Variants in ADGRB1 observed in about 807,000 individuals in gnomAD.
The protein encoded by ADGRB1 is adhesion G protein-coupled receptor B1.
ADGRB1 carries 36 observed loss-of-function variants against 175.7 expected under a neutral mutation model. That is an observed-to-expected ratio of 0.20 (90% CI 0.16 to 0.27). The LOEUF is 0.27. Ranked by LOEUF, ADGRB1 falls within the 10% of genes least tolerant of loss-of-function variation. The pLI is 1.00. For missense variants in ADGRB1, 1,731 were observed against 2,255.3 expected (o/e 0.77, Z 4.71); for synonymous variants, 1,054 against 979.4 (o/e 1.08, Z -1.42).
Position 142,543,479 on chromosome 8 carries a change from G to T in ADGRB1, c.4449+41G>T. On this transcript the variant is annotated intron_variant, in intron 29 of 30. Transcript: ENST00000517894. This position sits in a 1 kb window ranked among gnomAD's most constrained non-coding sequence, Gnocchi z 4.4. ...CCCCCCCACCAGACACTTAGGGCCA[G>T]ATGTGCTCTGGGCTCCCACACGGCC... 6.2e-7 allele frequency: 1 copy of T among 1,612,734 alleles called. No individual in the cohort carries two copies. The highest frequency in any genetic ancestry group is 2.2e-5 in the East Asian group (1 of 44,856).
intron 17 of ADGRB1, among the ~76,000 whole-genome samples, chr8:142,501,195 G>T (rs993836740): frequency 6.6e-6 from 1 of 152,188 alleles, no homozygotes; most frequent in Non-Finnish European, 1.5e-5. Flanking sequence ...TGTGATGACT[G>T]TGAAGGGACA....
intron 22 of ADGRB1, among the ~76,000 whole-genome samples, chr8:142,523,739 G>A (rs1160105244): frequency 6.8e-6 from 1 of 147,142 alleles, no homozygotes; most frequent in African/African-American, 2.5e-5. Context: ...ACCACAGGTG[G>A]TGTCCAGAGA....
chr8:142,490,847 G>A (rs1033013132), intron 17 of ADGRB1, 32 bp downstream of exon 17: 3 of 1,562,546 alleles, frequency 1.9e-6, no homozygotes, highest in South Asian at 1.2e-5. Flanking sequence ...GGCCGTGGGG[G>A]TCTGGGGTGG....
rs915254928 is a variant in ADGRB1 at position 142,474,717 on chromosome 8, C to T, written c.785-757C>T. ...TAGGGGAACACAGGTCCATGAAGGC[C>T]GCGGGGACTGTCGGGGCAGGGATGG... On this transcript the variant is annotated intron_variant, in intron 2 of 30. Coordinates refer to ENST00000517894, the MANE Select transcript of ADGRB1 (RefSeq NM_001702.3). The surrounding 1 kb of genome is among the most constrained non-coding windows in gnomAD (Gnocchi z 5.8). Among the ~76,000 whole-genome samples the T allele has an allele frequency of 1.3e-5, 2 of 152,098 alleles. No homozygotes were observed. The highest frequency in any genetic ancestry group is 1.9e-4 in the East Asian group (1 of 5,172).
intron 24 of ADGRB1, among the ~76,000 whole-genome samples, chr8:142,529,502 G>C (rs565352704): frequency 2.6e-5 from 4 of 152,314 alleles, no homozygotes; most frequent in African/African-American, 9.6e-5. Flanking sequence ...AAGTGTGCAA[G>C]TGTATGTGTA....
At chr8:142,465,625 G>C (rs143665043) in intron 2 of ADGRB1, among the ~76,000 whole-genome samples, 5 of 152,200 alleles carry the variant, frequency 3.3e-5, no homozygotes, top group African/African-American at 1.2e-4. Context: ...AGGCAGCTGC[G>C]TAAGGGAGAG....
At position 142,475,500 on chromosome 8, in the gene ADGRB1, G is replaced by A. The variant is rs1840910962; in HGVS notation, c.811G>A (p.Gly271Ser). The A allele has an allele frequency of 7.7e-7, 1 of 1,295,642 alleles. No individual in the cohort carries two copies. The highest frequency in any genetic ancestry group is 1.5e-5 in the African/African-American group (1 of 66,442). 80.3% of individuals were successfully genotyped at this position (1,295,642 alleles called of 1,614,324 possible). ...TGGWKLWSLWGECTRDCGGGL... is the reference protein window; with the variant it reads ...TGGWKLWSLWSECTRDCGGGL... Reference sequence around the variant, plus strand: ...CGGCTGGAAGCTGTGGTCCCTGTGGGGCGAATGCACGCGGGACTGCGGGGG... The same window carrying A: ...CGGCTGGAAGCTGTGGTCCCTGTGGAGCGAATGCACGCGGGACTGCGGGGG... The change falls in exon 3 of 31, where the codon GGC becomes AGC. Residue 271 changes from glycine (G) to serine (S), a missense_variant. Gly to Ser is a moderately conservative substitution (Grantham distance 56). Transcript: ENST00000517894.
At chr8:142,495,970 C>T (rs189609944) in intron 17 of ADGRB1, among the ~76,000 whole-genome samples, 150 of 139,970 alleles carry the variant, frequency 1.1e-3, no homozygotes, top group African/African-American at 3.8e-3. Context: ...TGGATGGATA[C>T]GTGGGTGGCT....
At chr8:142,526,478 A>T in intron 23 of ADGRB1, 64 bp from the exon 24 acceptor site, 1 of 1,404,526 alleles carries the variant, frequency 7.1e-7, no homozygotes, top group South Asian at 1.2e-5. Flanking sequence ...CGGTCCGGCC[A>T]GTGTCAGCCC....
In ADGRB1 at chr8:142,537,385, C is replaced by G. The variant is rs1309650603; in HGVS notation, c.3666+303C>G. 6.6e-6 allele frequency among the ~76,000 whole-genome samples: 1 copy of G among 152,064 alleles called. No individual in the cohort carries two copies. Among genetic ancestry groups the G allele is most frequent in the African/African-American group, 2.4e-5 (1 of 41,380 alleles). ...GGCTGGACACCACCCTCTGAGCATC[C>G]CAGCCCTCAACTCAAGGTCCCCATC... On this transcript the variant is annotated intron_variant, in intron 26 of 30. Coordinates refer to ENST00000517894, the MANE Select transcript of ADGRB1 (RefSeq NM_001702.3). This position sits in a 1 kb window ranked among gnomAD's most constrained non-coding sequence, Gnocchi z 4.6.
At position 142,511,740 on chromosome 8, in the gene ADGRB1, C is replaced by T. The variant is rs865806707; in HGVS notation, c.2817+667C>T. On this transcript the variant is annotated intron_variant, in intron 18 of 30. Transcript: ENST00000517894. The surrounding 1 kb of genome is among the most constrained non-coding windows in gnomAD (Gnocchi z 4.5). Reference sequence around the variant, plus strand: ...CAGCTCCCTGGGGCGGGTGGGCTCTCTTGCTTTGGGCCGGCCAAGCTGCAC... The same window carrying T: ...CAGCTCCCTGGGGCGGGTGGGCTCTTTTGCTTTGGGCCGGCCAAGCTGCAC... Among the ~76,000 whole-genome samples, 3 of 152,214 alleles carry T rather than the reference C, an allele frequency of 2.0e-5. No individual in the cohort carries two copies. The highest frequency in any genetic ancestry group is 4.4e-5 in the Non-Finnish European group (3 of 68,024).
chr8:142,491,077 C>T (rs2131886487), intron 17 of ADGRB1, among the ~76,000 whole-genome samples: 1 of 152,286 alleles, frequency 6.6e-6, no homozygotes, highest in Non-Finnish European at 1.5e-5. Context: ...AGGTGATGGG[C>T]AGGCGTCCTG....
intron 1 of ADGRB1, among the ~76,000 whole-genome samples, chr8:142,461,929 C>T (rs984553165): frequency 1.3e-5 from 2 of 152,090 alleles, no homozygotes; most frequent in African/African-American, 4.8e-5. Context: ...GGGCTCACCC[C>T]GGGACTGTAG....
chr8:142,450,515 G>C (rs550286155), intron 1 of ADGRB1, among the ~76,000 whole-genome samples: 1 of 151,858 alleles, frequency 6.6e-6, no homozygotes, highest in African/African-American at 2.4e-5. Flanking sequence ...GGGGGTCTAA[G>C]GGAGCCCCCC....
chr8:142,533,172 C>T (rs964353536), intron 24 of ADGRB1, 123 bp from the exon 25 acceptor site: 1 of 1,154,614 alleles, frequency 8.7e-7, no homozygotes, highest in Admixed American at 2.9e-5. Flanking sequence ...GGCCCAGGCC[C>T]CCAGAGACAG....
At chr8:142,475,193 G>A (rs1162993093) in intron 2 of ADGRB1, among the ~76,000 whole-genome samples, 1 of 152,202 alleles carries the variant, frequency 6.6e-6, no homozygotes, top group Non-Finnish European at 1.5e-5. Flanking sequence ...CCCTCTGGTG[G>A]GCGGAGGTCG....
At chr8:142,486,915 G>A (rs948283852) in intron 13 of ADGRB1, among the ~76,000 whole-genome samples, 3 of 152,152 alleles carry the variant, frequency 2.0e-5, no homozygotes, top group Non-Finnish European at 2.9e-5. Context: ...TGCTACTAGG[G>A]AGGCTGAGGT....
chr8:142,515,772 G>A (rs1407947438), intron 18 of ADGRB1, among the ~76,000 whole-genome samples: 1 of 152,244 alleles, frequency 6.6e-6, no homozygotes, highest in Non-Finnish European at 1.5e-5. Flanking sequence ...AGTTTTGATG[G>A]GAGAAGTACC....
intron 13 of ADGRB1, 31 bp from the exon 14 acceptor site, chr8:142,488,333 C>A: frequency 6.2e-7 from 1 of 1,611,448 alleles, no homozygotes; most frequent in East Asian, 2.2e-5. Flanking sequence ...TCCCTCCTCT[C>A]TGTCTCTCCC....
Sources: gnomAD v4.1 joint callset for allele counts (sites outside exome capture counted in the v4.1 genomes callset) on GRCh38, gnomAD v4.1.1 for gene constraint, Gnocchi (gnomAD v3.1) non-coding constraint, MANE v1.5 for transcripts, NCBI Gene and HGNC (gene_info 2026-07-23, HGNC 2026-07-21) for gene names.